USP24: variants seen among roughly 807,000 people sequenced by gnomAD.
The protein encoded by USP24 is ubiquitin carboxyl-terminal hydrolase 24.
USP24 carries 97 observed loss-of-function variants against 361.6 expected under a neutral mutation model. The ratio of observed to expected loss-of-function variants is 0.27; its 90% CI spans 0.23 to 0.32. USP24 has a LOEUF of 0.32. Among genes scored for constraint, USP24 ranks in the 10% least tolerant of loss-of-function variants. USP24 has a pLI of 1.00. For synonymous variants in USP24, 1,098 were observed against 1,124.6 expected, an observed-to-expected ratio of 0.98 and a Z score of 0.47; for missense variants, 2,353 against 3,165.6, an observed-to-expected ratio of 0.74 and a Z score of 6.16.
Position 55,077,231 on chromosome 1 carries a change from T to C in USP24, c.7380+4A>G. The C allele has an allele frequency of 6.5e-7, 1 of 1,541,720 alleles. No individual in the cohort carries two copies. Among genetic ancestry groups the C allele is most frequent in the Non-Finnish European group, 8.8e-7 (1 of 1,135,800 alleles). ...AAAAGTGAGTCAGAACAGTTATGAC[T>C]TACCAATATTTCATGAAGTAGTTGG... On this transcript the variant is annotated splice_donor_region_variant and intron_variant, in intron 62 of 67. Coordinates refer to ENST00000294383, the MANE Select transcript of USP24 (RefSeq NM_015306.3).
At chr1:55,146,137 T>C (rs1488036933) in intron 19 of USP24, 28 bp from the exon 20 acceptor site, 14 of 1,535,604 alleles carry the variant, frequency 9.1e-6, no homozygotes, top group Admixed American at 1.7e-5. Context: ...TATCACCCTA[T>C]AACTAAGATC....
intron 50 of USP24, 62 bp downstream of exon 50, chr1:55,096,435 TA>T: frequency 1.5e-6 from 2 of 1,302,220 alleles, no homozygotes; most frequent in Non-Finnish European, 2.0e-6. Context: ...AGAATACTAT[TA>T]ATTTTTATAG....
At chr1:55,077,380 T>C in intron 61 of USP24, 80 bp from the exon 62 acceptor site, 1 of 1,305,382 alleles carries the variant, frequency 7.7e-7, no homozygotes, top group Non-Finnish European at 1.1e-6. Context: ...ATCCACGTTC[T>C]AGCTCTATCA....
At chr1:55,158,207 A>C (rs1342038660) in intron 10 of USP24, among the ~76,000 whole-genome samples, 1 of 152,236 alleles carries the variant, frequency 6.6e-6, no homozygotes, top group East Asian at 1.9e-4. Flanking sequence ...TCTGTTGCCC[A>C]CATGTGCCCA....
At position 55,104,036 on chromosome 1, in the gene USP24, A is replaced by G. The variant is rs1211374611; in HGVS notation, c.4881-16T>C. 1.3e-6 allele frequency: 2 copies of G among 1,588,586 alleles called. No individual in the cohort carries two copies. The highest frequency in any genetic ancestry group is 8.6e-7 in the Non-Finnish European group (1 of 1,167,762). On this transcript the variant is annotated splice_polypyrimidine_tract_variant and intron_variant, in intron 41 of 67. Transcript: ENST00000294383. ...TGTACTACACCTAGAAACAAAAGAC[A>G]CAAGTCAATTTCAACAATGAATAAT... is the stretch of plus-strand genomic sequence containing the variant.
intron 36 of USP24, among the ~76,000 whole-genome samples, chr1:55,122,213 G>C (rs1646301654): frequency 1.3e-5 from 2 of 152,134 alleles, no homozygotes; most frequent in African/African-American, 4.8e-5. Context: ...GCAGTGCAGG[G>C]GCAAGAAGAG....
chr1:55,167,971 C>A (rs1649054934), intron 5 of USP24, among the ~76,000 whole-genome samples: 1 of 152,020 alleles, frequency 6.6e-6, no homozygotes, highest in African/African-American at 2.4e-5. Context: ...GTTTGGGCCA[C>A]AGAGATATAA....
chr1:55,166,567 C>G lies in USP24; in HGVS notation c.861+1G>C. 1 of 1,589,396 alleles carries G rather than the reference C, an allele frequency of 6.3e-7. No homozygotes were observed. The highest frequency in any genetic ancestry group is 8.6e-7 in the Non-Finnish European group (1 of 1,167,412). On this transcript the variant is annotated splice_donor_variant, in intron 6 of 67. Transcript: ENST00000294383. LOFTEE classifies it high-confidence loss of function. ...TGACAATATTAACAAAAGTCATATA[C>G]CTTATTTACCAAATCCACAACCCAT... is the stretch of plus-strand genomic sequence containing the variant.
rs1290609524 is a variant in USP24 at position 55,101,675 on chromosome 1, C to A, written c.5054G>T (p.Ser1685Ile). 4 of 1,612,234 alleles carry A rather than the reference C, an allele frequency of 2.5e-6. No individual in the cohort carries two copies. In the South Asian group the frequency reaches 4.4e-5, roughly 18 times the overall value. The change falls in exon 43 of 68, where the codon AGT becomes ATT. Residue 1685 changes from serine (S) to isoleucine (I), a missense_variant. Transcript: ENST00000294383. ...DYLPPVDSRS[S>I]SGFVGLRNGG... The stretch of plus-strand genomic sequence containing the variant: ...ATTTCTCAGCCCCACAAACCCTGAA[C>A]TGGACCTGCTATCCACTGGGGGAAG...
intron 67 of USP24, chr1:55,071,067 A>G: frequency 1.1e-6 from 1 of 926,542 alleles, no homozygotes; most frequent in Non-Finnish European, 1.3e-6. Flanking sequence ...CTTTCTGTAA[A>G]ATCAGGGTGA....
chr1:55,092,872 T>C lies in USP24; in HGVS notation c.6399A>G (p.Val2133=), dbSNP rs750102573. The C allele has an allele frequency of 8.1e-6, 13 of 1,597,676 alleles. No individual in the cohort carries two copies. Among genetic ancestry groups the C allele is most frequent in the South Asian group, 2.3e-5 (2 of 87,384 alleles). ...ENLKFMKNRD[V]YSSDYFSFVL... ...CAAAACTGAAATAATCACTACTGTA[T>C]ACATCTCTATTCTTCATAAACTTGA... Residue 2133 remains valine (V), a synonymous_variant, in exon 53 of 68, where the codon GTA becomes GTG. Transcript: ENST00000294383.
At chr1:55,196,704 A>G (rs139089008) in intron 1 of USP24, among the ~76,000 whole-genome samples, 12 of 152,356 alleles carry the variant, frequency 7.9e-5, no homozygotes, top group East Asian at 3.9e-4. Flanking sequence ...ATGTTCAAAA[A>G]CAAACCCCTG....
chr1:55,200,531 CT>C (rs201655570), intron 1 of USP24, among the ~76,000 whole-genome samples: 1 of 151,574 alleles, frequency 6.6e-6, no homozygotes, highest in Non-Finnish European at 1.5e-5. Flanking sequence ...ACTCCACATA[CT>C]TTTTTTTTAT....
In USP24 at chr1:55,125,774, A is replaced by G. The variant is rs1202147737; in HGVS notation, c.3636-16T>C. The G allele has an allele frequency of 6.4e-7, 1 of 1,551,642 alleles. No individual in the cohort carries two copies. The highest frequency in any genetic ancestry group is 8.7e-7 in the Non-Finnish European group (1 of 1,146,654). ...TACAACCAAACTTCAAAAAGAAGAA[A>G]AAAAGGCAGGATATTAAAGACTTCT... On this transcript the variant is annotated splice_polypyrimidine_tract_variant and intron_variant, in intron 32 of 67. Transcript: ENST00000294383.
In USP24 at chr1:55,147,686, C is replaced by G. The variant is rs1268083614; in HGVS notation, c.2081G>C (p.Gly694Ala). Residue 694 changes from glycine to alanine, a missense_variant, in exon 18 of 68, where the codon GGC becomes GCC. This residue lies in a region of USP24 where 949 missense variants were observed against 1,280.5 expected (regional missense o/e 0.74). Coordinates refer to ENST00000294383, the MANE Select transcript of USP24 (RefSeq NM_015306.3). The stretch of plus-strand genomic sequence containing the variant: ...GTACCGGCCATCCACTAGTGTCGAG[C>G]CACTTAAGCCTCCAGGCCCGGCCAC... ...AAVAGPGGLSGSTLVDGRYTY... is the reference protein window; with the variant it reads ...AAVAGPGGLSASTLVDGRYTY... 18 of 1,610,646 alleles carry G rather than the reference C, an allele frequency of 1.1e-5. No individual in the cohort carries two copies. Among genetic ancestry groups the G allele is most frequent in the Non-Finnish European group, 1.4e-5 (17 of 1,178,474 alleles).
At chr1:55,183,267 T>C (rs1010813701) in intron 1 of USP24, among the ~76,000 whole-genome samples, 1 of 152,202 alleles carries the variant, frequency 6.6e-6, no homozygotes, top group African/African-American at 2.4e-5. Flanking sequence ...AGGAAGTATA[T>C]AAGGGTAAAG....
intron 1 of USP24, among the ~76,000 whole-genome samples, chr1:55,210,174 G>A (rs976408760): frequency 1.3e-5 from 2 of 152,134 alleles, no homozygotes; most frequent in Non-Finnish European, 2.9e-5. Context: ...GAATGGGCAG[G>A]TAATTACAAG....
intron 1 of USP24, among the ~76,000 whole-genome samples, chr1:55,214,394 C>T (rs1426853657): frequency 2.6e-5 from 4 of 151,940 alleles, no homozygotes. Flanking sequence ...CACTAGTACC[C>T]CATTTCCGAC....
At chr1:55,191,860 A>AC (rs1262669426) in intron 1 of USP24, among the ~76,000 whole-genome samples, 1 of 151,936 alleles carries the variant, frequency 6.6e-6, no homozygotes, top group Non-Finnish European at 1.5e-5. Flanking sequence ...ATATTAATCT[A>AC]CCCCCACACA....
Sources: allele counts gnomAD v4.1 joint callset (sites outside exome capture counted in the v4.1 genomes callset), GRCh38; gene constraint gnomAD v4.1.1; regional missense constraint gnomAD v4.1.1; transcripts MANE v1.5; gene names NCBI Gene and HGNC (gene_info 2026-07-23, HGNC 2026-07-21).